Variants in SH3BGRL2 observed in about 807,000 individuals in gnomAD.
The protein encoded by SH3BGRL2 is SH3 domain-binding glutamic acid-rich-like protein 2.
Under a neutral mutation model 14.8 loss-of-function variants are expected in SH3BGRL2, and 21 were observed. The ratio of observed to expected loss-of-function variants is 1.42; its 90% CI spans 1.01 to 2.05. The LOEUF (loss-of-function observed/expected upper bound fraction) is 2.05. SH3BGRL2 is among the 30% of genes most tolerant of loss of function. The pLI is 0.00. For synonymous variants in SH3BGRL2, 50 were observed against 47.8 expected, an observed-to-expected ratio of 1.05 and a Z score of -0.19; for missense variants, 147 against 130.8, an observed-to-expected ratio of 1.12 and a Z score of -0.61.
chr6:79,562,381 C>T, the SH3BGRL2 span, among the ~76,000 whole-genome samples: 3 of 152,074 alleles, frequency 2.0e-5, no homozygotes, highest in Non-Finnish European at 1.5e-5. Flanking sequence ...TTTAGATCCA[C>T]TTAAATAGTT....
the SH3BGRL2 span, chr6:79,574,427 G>A: frequency 2.0e-5 from 3 of 152,266 alleles, no homozygotes; most frequent in Admixed American, 1.3e-4. Flanking sequence ...GCAGAACAGC[G>A]GGGGATAGAG....
chr6:79,597,108 T>C, the SH3BGRL2 span, among the ~76,000 whole-genome samples: 2 of 152,000 alleles, frequency 1.3e-5, no homozygotes, highest in Non-Finnish European at 1.5e-5. Flanking sequence ...CAGGCACCTG[T>C]AATCCCAGCC....
At chr6:79,559,283 G>A in the SH3BGRL2 span, among the ~76,000 whole-genome samples, 1 of 152,100 alleles carries the variant, frequency 6.6e-6, no homozygotes, top group Non-Finnish European at 1.5e-5. Context: ...GGGCAACATG[G>A]TGAGACCCCA....
chr6:79,578,436 C>T, the SH3BGRL2 span, among the ~76,000 whole-genome samples: 7 of 152,284 alleles, frequency 4.6e-5, no homozygotes, highest in African/African-American at 9.6e-5. Context: ...GAGGAAGGAT[C>T]AGGCAGCAAT....
chr6:79,559,521 T>A, the SH3BGRL2 span, among the ~76,000 whole-genome samples: 1 of 152,112 alleles, frequency 6.6e-6, no homozygotes, highest in Non-Finnish European at 1.5e-5. Context: ...AGAAAAACTA[T>A]GGAAATGTTC....
chr6:79,567,715 G>A, the SH3BGRL2 span, among the ~76,000 whole-genome samples: 1 of 152,276 alleles, frequency 6.6e-6, no homozygotes, highest in East Asian at 1.9e-4. Flanking sequence ...TAAAAAAGAG[G>A]CAGAATCTGC....
intron 1 of SH3BGRL2, among the ~76,000 whole-genome samples, chr6:79,635,803 A>G (rs1768911138): frequency 6.6e-6 from 1 of 152,226 alleles, no homozygotes; most frequent in Non-Finnish European, 1.5e-5. Flanking sequence ...CATGGAAACC[A>G]TGCTCAGAGT....
At chr6:79,685,001 G>A (rs1027086618) in intron 2 of SH3BGRL2, among the ~76,000 whole-genome samples, 3 of 152,178 alleles carry the variant, frequency 2.0e-5, no homozygotes, top group Admixed American at 2.0e-4. Flanking sequence ...TCAGCTGCAT[G>A]CCCGGAAGCA....
chr6:79,557,108 A>C, the SH3BGRL2 span, among the ~76,000 whole-genome samples: 1 of 151,914 alleles, frequency 6.6e-6, no homozygotes, highest in Non-Finnish European at 1.5e-5. Flanking sequence ...ACGTCAATTT[A>C]TATTTCTTCC....
At chr6:79,558,274 C>T in the SH3BGRL2 span, among the ~76,000 whole-genome samples, 2 of 152,024 alleles carry the variant, frequency 1.3e-5, no homozygotes, top group Non-Finnish European at 2.9e-5. Context: ...GGGCACAGGT[C>T]ATATATACAC....
chr6:79,651,554 A>G (rs2127726560), intron 1 of SH3BGRL2, among the ~76,000 whole-genome samples: 1 of 152,090 alleles, frequency 6.6e-6, no homozygotes, highest in Middle Eastern at 3.4e-3. Context: ...AGTTTGTTAT[A>G]CACATGTTGA....
At chr6:79,557,312 G>T in the SH3BGRL2 span, among the ~76,000 whole-genome samples, 1 of 151,644 alleles carries the variant, frequency 6.6e-6, no homozygotes, top group Non-Finnish European at 1.5e-5. Flanking sequence ...AATTATAATT[G>T]TCGGTCACAT....
chr6:79,686,297 C>A (rs1179439077), intron 2 of SH3BGRL2, among the ~76,000 whole-genome samples: 3 of 152,122 alleles, frequency 2.0e-5, no homozygotes, highest in Non-Finnish European at 4.4e-5. Context: ...AGAGCAAGTT[C>A]TGTTATTTCT....
At chr6:79,555,626 T>G in the SH3BGRL2 span, among the ~76,000 whole-genome samples, 1 of 152,078 alleles carries the variant, frequency 6.6e-6, no homozygotes, top group Non-Finnish European at 1.5e-5. Context: ...TTATCCTGCC[T>G]CACCTTCCGA....
At chr6:79,611,724 A>G in the SH3BGRL2 span, among the ~76,000 whole-genome samples, 7 of 152,188 alleles carry the variant, frequency 4.6e-5, no homozygotes, top group Admixed American at 2.6e-4. Context: ...ACAGTATACA[A>G]CTTAAGTCTC....
chr6:79,699,804 T>A lies in SH3BGRL2; in HGVS notation c.*295T>A, dbSNP rs1304066147. On this transcript the variant is annotated 3_prime_UTR_variant, in exon 4 of 4. Transcript: ENST00000369838. ...ACTTTCTTAATGACTGAAAGATAAGTGGGTAGCACCGTCAGAGAGAAAATG... is the reference window on the plus strand; with the variant it reads ...ACTTTCTTAATGACTGAAAGATAAGAGGGTAGCACCGTCAGAGAGAAAATG... The A allele has an allele frequency of 1.5e-5, 6 of 388,416 alleles. No homozygotes were observed. The highest frequency in any genetic ancestry group is 2.3e-5 in the Non-Finnish European group (5 of 220,904). The allele number at this position is 388,416 out of a possible 1,614,324, so 24.1% of individuals were successfully genotyped here. A position where few individuals can be genotyped will look rare whatever the true frequency, so the allele number is the denominator to read the frequency against.
At chr6:79,634,903 G>A (rs1042091988) in intron 1 of SH3BGRL2, among the ~76,000 whole-genome samples, 8 of 152,166 alleles carry the variant, frequency 5.3e-5, no homozygotes, top group Admixed American at 2.0e-4. Context: ...AGAGGAACTG[G>A]GTTGGATTTG....
At chr6:79,681,204 A>G (rs910747459) in intron 2 of SH3BGRL2, among the ~76,000 whole-genome samples, 7 of 152,230 alleles carry the variant, frequency 4.6e-5, no homozygotes, top group Admixed American at 1.3e-4. Context: ...GTTCTGTTTT[A>G]TAATGAAGAG....
At chr6:79,591,939 T>C in the SH3BGRL2 span, among the ~76,000 whole-genome samples, 1 of 152,166 alleles carries the variant, frequency 6.6e-6, no homozygotes, top group African/African-American at 2.4e-5. Context: ...AATATATATT[T>C]AAGAAGAGAA....
Sources: allele counts gnomAD v4.1 joint callset (sites outside exome capture counted in the v4.1 genomes callset), GRCh38; gene constraint gnomAD v4.1.1; transcripts MANE v1.5; gene names NCBI Gene and HGNC (gene_info 2026-07-23, HGNC 2026-07-21).